The following MED28 variants were observed in gnomAD, a reference collection of about 807,000 sequenced individuals.
MED28 encodes mediator of RNA polymerase II transcription subunit 28.
A neutral mutation model predicts 21.3 loss-of-function variants in MED28; 26 were observed. The ratio of observed to expected loss-of-function variants is 1.22; its 90% CI spans 0.89 to 1.69. The LOEUF (loss-of-function observed/expected upper bound fraction) is 1.69. Among genes scored for constraint, MED28 ranks in the 40% most tolerant of loss-of-function variants. The probability of loss-of-function intolerance (pLI) is 0.00; values close to 1 mark genes in which losing one functional copy is unlikely to be tolerated. For missense variants in MED28, 257 were observed against 215.4 expected (o/e 1.19, Z -1.21); for synonymous variants, 110 against 87.6 (o/e 1.26, Z -1.43).
chr4:17,622,977 C>T (rs544788722), intron 3 of MED28, among the ~76,000 whole-genome samples: 106 of 152,288 alleles, frequency 7.0e-4, no homozygotes, highest in South Asian at 1.5e-3. Context: ...GTTCCTCCCT[C>T]GACACATGGG....
At position 17,628,402 on chromosome 4, in the gene MED28, ATAAG is replaced by A. The variant is rs1714829596; in HGVS notation, c.*4605_*4608del. 6.6e-6 allele frequency: 1 copy of A among 151,920 alleles called. No homozygotes were observed. The highest frequency in any genetic ancestry group is 2.4e-5 in the African/African-American group (1 of 41,342). 9.4% of individuals were successfully genotyped at this position (151,920 alleles called of 1,614,324 possible). ...CCTACTCTAGTCCACCTTCCTATAA[ATAAG>A]ATGTATTGAGATGCTCAGTGCCCCC... is the stretch of plus-strand genomic sequence containing the variant. On this transcript the variant is annotated 3_prime_UTR_variant, in exon 4 of 4. Transcript: ENST00000237380.
rs767950097 is a variant in MED28 at position 17,629,343 on chromosome 4, C to G, written c.*5545C>G. 1.3e-5 allele frequency: 2 copies of G among 152,074 alleles called. No individual in the cohort carries two copies. The highest frequency in any genetic ancestry group is 2.9e-5 in the Non-Finnish European group (2 of 68,028). The allele number at this position is 152,074 out of a possible 1,614,324, so 9.4% of individuals were successfully genotyped here. On this transcript the variant is annotated 3_prime_UTR_variant, in exon 4 of 4. Coordinates refer to ENST00000237380, the MANE Select transcript of MED28 (RefSeq NM_025205.5). ...CAGTAAGATGGTCCCTATCATAGTT[C>G]CATTTAATTTGCCAGCCTCATCTGC...
In MED28 at chr4:17,630,839, G is replaced by C. The variant is rs1714910494; in HGVS notation, c.*7041G>C. The stretch of plus-strand genomic sequence containing the variant: ...TGTGAACTGAACTTTCTATTTCTAA[G>C]CTGTCTTCATCTAATTTTACCTTTC... On this transcript the variant is annotated 3_prime_UTR_variant, in exon 4 of 4. Transcript: ENST00000237380. 1 of 151,816 alleles carries C rather than the reference G, an allele frequency of 6.6e-6. No individual in the cohort carries two copies. The highest frequency in any genetic ancestry group is 1.5e-5 in the Non-Finnish European group (1 of 67,978). 9.4% of individuals were successfully genotyped at this position (151,816 alleles called of 1,614,324 possible). A position where few individuals can be genotyped will look rare whatever the true frequency, so the allele number is the denominator to read the frequency against.
At chr4:17,619,675 A>G (rs1367158029) in intron 1 of MED28, among the ~76,000 whole-genome samples, 1 of 152,144 alleles carries the variant, frequency 6.6e-6, no homozygotes, top group Non-Finnish European at 1.5e-5. Flanking sequence ...GACAGAGACC[A>G]GATGTGGTGC....
In MED28 at chr4:17,628,298, A is replaced by T; in HGVS notation, c.*4500A>T. ...TGTGTGTGTGTGTGTGTGTATGTGT[A>T]TATGCGTATATATGTGTATGTATGT... On this transcript the variant is annotated 3_prime_UTR_variant, in exon 4 of 4. Transcript: ENST00000237380. The T allele has an allele frequency of 9.5e-6, 1 of 105,028 alleles. No homozygotes were observed. Among genetic ancestry groups the T allele is most frequent in the East Asian group, 2.9e-4 (1 of 3,424 alleles). 6.5% of individuals were successfully genotyped at this position (105,028 alleles called of 1,614,324 possible).
At position 17,631,839 on chromosome 4, in the gene MED28, A is replaced by G. The variant is rs1201284655; in HGVS notation, c.*8041A>G. ...GCATTTTGGAATTGCATCATTTTACATAGAAACAGCTTTCCAGTGGAGTTG... is the reference window on the plus strand; with the variant it reads ...GCATTTTGGAATTGCATCATTTTACGTAGAAACAGCTTTCCAGTGGAGTTG... On this transcript the variant is annotated 3_prime_UTR_variant, in exon 4 of 4. Coordinates refer to ENST00000237380, the MANE Select transcript of MED28 (RefSeq NM_025205.5). The G allele has an allele frequency of 6.6e-6, 1 of 152,146 alleles. No individual in the cohort carries two copies. The highest frequency in any genetic ancestry group is 1.5e-5 in the Non-Finnish European group (1 of 68,034). The allele number at this position is 152,146 out of a possible 1,614,324, so 9.4% of individuals were successfully genotyped here.
intron 1 of MED28, among the ~76,000 whole-genome samples, chr4:17,618,327 G>T (rs927289514): frequency 6.6e-6 from 1 of 152,012 alleles, no homozygotes; most frequent in African/African-American, 2.4e-5. Context: ...TTCTTGAGTG[G>T]GTGGAGGGCA....
chr4:17,616,137 A>G (rs1714444063), intron 1 of MED28, among the ~76,000 whole-genome samples: 1 of 152,002 alleles, frequency 6.6e-6, no homozygotes, highest in Non-Finnish European at 1.5e-5. Context: ...TTTATTTTTT[A>G]GTAGAGACAG....
Position 17,633,708 on chromosome 4 carries a change from C to G in MED28, c.*9910C>G, listed in dbSNP as rs1481330214. ...CCAAACCTTGTGGCAGTTTTTGCATCTGTAGACTGGTTGGGTTTGTAGGTC... is the reference window on the plus strand; with the variant it reads ...CCAAACCTTGTGGCAGTTTTTGCATGTGTAGACTGGTTGGGTTTGTAGGTC... On this transcript the variant is annotated 3_prime_UTR_variant, in exon 4 of 4. Coordinates refer to ENST00000237380, the MANE Select transcript of MED28 (RefSeq NM_025205.5). 5 of 1,545,090 alleles carry G rather than the reference C, an allele frequency of 3.2e-6. No individual in the cohort carries two copies. The highest frequency in any genetic ancestry group is 2.4e-5 in the South Asian group (2 of 83,204).
intron 2 of MED28, among the ~76,000 whole-genome samples, chr4:17,620,389 C>T (rs1203450903): frequency 1.4e-5 from 2 of 138,720 alleles, no homozygotes; most frequent in Admixed American, 7.7e-5. Flanking sequence ...TCACTCTTGT[C>T]GCCCAGGCTG....
In MED28 at chr4:17,632,598, G is replaced by C. The variant is rs1262094041; in HGVS notation, c.*8800G>C. On this transcript the variant is annotated 3_prime_UTR_variant, in exon 4 of 4. Transcript: ENST00000237380. ...AGCCCTGTTTCTGCTGGACTTCTTTGGCTTGGGCCGTTTCACCATCTGGGG... is the reference window on the plus strand; with the variant it reads ...AGCCCTGTTTCTGCTGGACTTCTTTCGCTTGGGCCGTTTCACCATCTGGGG... 4 of 1,551,102 alleles carry C rather than the reference G, an allele frequency of 2.6e-6. No homozygotes were observed. Among genetic ancestry groups the C allele is most frequent in the Non-Finnish European group, 3.5e-6 (4 of 1,146,686 alleles).
chr4:17,633,922 A>T lies in MED28; in HGVS notation c.*10124A>T. 1 of 1,343,978 alleles carries T rather than the reference A, an allele frequency of 7.4e-7. No homozygotes were observed. The allele number at this position is 1,343,978 out of a possible 1,614,324, so 83.3% of individuals were successfully genotyped here. A position where few individuals can be genotyped will look rare whatever the true frequency, so the allele number is the denominator to read the frequency against. ...ATTAATGGACAGGTTAGTGCAATGC[A>T]ATGCAAAAAACAAAATAAAGCATTA... On this transcript the variant is annotated 3_prime_UTR_variant, in exon 4 of 4. Transcript: ENST00000237380.
rs1379595314 is a variant in MED28, at chr4:17,631,260, CA to C, written c.*7463del. On this transcript the variant is annotated 3_prime_UTR_variant, in exon 4 of 4. Transcript: ENST00000237380. ...AGAGATGGGATCTCACTATCTTGCC[CA>C]GGCTGGTCTCGAACTCTTGGGCTCA... 6.6e-6 allele frequency: 1 copy of C among 152,126 alleles called. No individual in the cohort carries two copies. 9.4% of individuals were successfully genotyped at this position (152,126 alleles called of 1,614,324 possible).
At chr4:17,619,531 G>C (rs915134647) in intron 1 of MED28, among the ~76,000 whole-genome samples, 1 of 152,166 alleles carries the variant, frequency 6.6e-6, no homozygotes, top group African/African-American at 2.4e-5. Context: ...CTGTCTCTGA[G>C]GGGGAGAAGA....
Position 17,624,565 on chromosome 4 carries a change from A to G in MED28, c.*767A>G, listed in dbSNP as rs1714724301. 6.6e-6 allele frequency: 1 copy of G among 152,060 alleles called. No individual in the cohort carries two copies. Among genetic ancestry groups the G allele is most frequent in the Admixed American group, 6.6e-5 (1 of 15,232 alleles). The allele number at this position is 152,060 out of a possible 1,614,324, so 9.4% of individuals were successfully genotyped here. A position where few individuals can be genotyped will look rare whatever the true frequency, so the allele number is the denominator to read the frequency against. On this transcript the variant is annotated 3_prime_UTR_variant, in exon 4 of 4. Transcript: ENST00000237380. ...TAATGGGTCAGTCACTGTTTTCAGTAGCATGACAGTGGGGTCATAGGTGAG... is the reference window on the plus strand; with the variant it reads ...TAATGGGTCAGTCACTGTTTTCAGTGGCATGACAGTGGGGTCATAGGTGAG...
At chr4:17,621,752 G>T in intron 3 of MED28, 53 bp downstream of exon 3, 2 of 1,197,906 alleles carry the variant, frequency 1.7e-6, no homozygotes, top group South Asian at 1.4e-5. Flanking sequence ...GTGGTGCCAG[G>T]ATTCCTTTTA....
In MED28 at chr4:17,629,261, G is replaced by A. The variant is rs1292790887; in HGVS notation, c.*5463G>A. 6.6e-6 allele frequency: 1 copy of A among 152,300 alleles called. No individual in the cohort carries two copies. Among genetic ancestry groups the A allele is most frequent in the Admixed American group, 6.6e-5 (1 of 15,264 alleles). 9.4% of individuals were successfully genotyped at this position (152,300 alleles called of 1,614,324 possible). A position where few individuals can be genotyped will look rare whatever the true frequency, so the allele number is the denominator to read the frequency against. ...AACAAACACACAGTACTGCATCCTG[G>A]GGGTGGAGGTGAGGTGACGGTAGAG... On this transcript the variant is annotated 3_prime_UTR_variant, in exon 4 of 4. Coordinates refer to ENST00000237380, the MANE Select transcript of MED28 (RefSeq NM_025205.5).
In MED28 at chr4:17,633,784, G is replaced by T; in HGVS notation, c.*9986G>T. The T allele has an allele frequency of 6.4e-7, 1 of 1,551,514 alleles. No homozygotes were observed. The highest frequency in any genetic ancestry group is 8.7e-7 in the Non-Finnish European group (1 of 1,146,956). On this transcript the variant is annotated 3_prime_UTR_variant, in exon 4 of 4. Coordinates refer to ENST00000237380, the MANE Select transcript of MED28 (RefSeq NM_025205.5). ...AGCTGGGTGATGTAGTTATTGGAGGGGCATTAATCCTGGAACTCAGATCGC... is the reference window on the plus strand; with the variant it reads ...AGCTGGGTGATGTAGTTATTGGAGGTGCATTAATCCTGGAACTCAGATCGC...
chr4:17,617,664 T>C (rs1023887860), intron 1 of MED28, among the ~76,000 whole-genome samples: 10 of 152,290 alleles, frequency 6.6e-5, no homozygotes, highest in Admixed American at 5.2e-4. Flanking sequence ...CCCAGCACTT[T>C]GGGAGGCCAA....
Sources: allele counts gnomAD v4.1 joint callset (sites outside exome capture counted in the v4.1 genomes callset), GRCh38; gene constraint gnomAD v4.1.1; transcripts MANE v1.5; gene names NCBI Gene and HGNC (gene_info 2026-07-23, HGNC 2026-07-21).